Variants in RERE observed in about 807,000 individuals in gnomAD.
The protein encoded by RERE is arginine-glutamic acid dipeptide repeats, also known as arginine-glutamic acid dipeptide repeats protein.
In RERE, 40 loss-of-function variants were observed where a neutral mutation model predicts 146.1. The ratio of observed to expected loss-of-function variants is 0.27; its 90% CI spans 0.21 to 0.36. The LOEUF is 0.36. Among genes scored for constraint, RERE ranks in the 10% least tolerant of loss-of-function variants. RERE has a pLI of 1.00. For missense variants in RERE, 1,933 were observed against 2,138.7 expected (o/e 0.90, Z 1.90); for synonymous variants, 1,003 against 866.0 (o/e 1.16, Z -2.78).
intron 1 of RERE, among the ~76,000 whole-genome samples, chr1:8,788,671 T>G (rs1021775058): frequency 5.3e-5 from 8 of 150,880 alleles, no homozygotes; most frequent in African/African-American, 1.9e-4. Flanking sequence ...CCAGTGTTTT[T>G]TTTTTTTTTT....
At chr1:8,489,713 A>T (rs1440910721) in intron 10 of RERE, among the ~76,000 whole-genome samples, 1 of 152,160 alleles carries the variant, frequency 6.6e-6, no homozygotes, top group Admixed American at 6.5e-5. Context: ...TAAAGACGTA[A>T]AATTATAACA....
chr1:8,439,837 C>T (rs942274048), intron 11 of RERE, among the ~76,000 whole-genome samples: 2 of 152,180 alleles, frequency 1.3e-5, no homozygotes, highest in Non-Finnish European at 2.9e-5. Context: ...CTTTGGGAGG[C>T]CGAGGTGGGT....
chr1:8,709,061 C>T (rs1242466963), intron 1 of RERE, among the ~76,000 whole-genome samples: 1 of 150,850 alleles, frequency 6.6e-6, no homozygotes, highest in Non-Finnish European at 1.5e-5. Context: ...TACAGGTGCC[C>T]GCCACCACAC....
intron 1 of RERE, among the ~76,000 whole-genome samples, chr1:8,669,234 C>G (rs955009611): frequency 6.6e-6 from 1 of 151,902 alleles, no homozygotes; most frequent in South Asian, 2.1e-4. Flanking sequence ...TGCCACCACA[C>G]CCGGCTAATT....
chr1:8,656,651 T>C (rs773418305), intron 1 of RERE, among the ~76,000 whole-genome samples: 1 of 152,194 alleles, frequency 6.6e-6, no homozygotes, highest in Non-Finnish European at 1.5e-5. Flanking sequence ...TAATAAAAAC[T>C]GTCTGAATGC....
chr1:8,467,880 G>A (rs1477012169), intron 10 of RERE, among the ~76,000 whole-genome samples: 1 of 152,096 alleles, frequency 6.6e-6, no homozygotes, highest in African/African-American at 2.4e-5. Context: ...TCTTGACCTC[G>A]TGATCCACCC....
chr1:8,499,892 G>GGCAA (rs1270616015), intron 8 of RERE, among the ~76,000 whole-genome samples: 1 of 151,894 alleles, frequency 6.6e-6, no homozygotes, highest in East Asian at 1.9e-4. Context: ...GGCCGAGGCG[G>GGCAA]GCAGATCACC....
chr1:8,497,173 G>A (rs1011758514), intron 9 of RERE, among the ~76,000 whole-genome samples: 3 of 152,114 alleles, frequency 2.0e-5, no homozygotes, highest in Non-Finnish European at 2.9e-5. Flanking sequence ...AAAATTTGAT[G>A]TGGGGCAAAC....
At position 8,360,401 on chromosome 1, in the gene RERE, G is replaced by T; in HGVS notation, c.3106C>A (p.Gln1036Lys). ...GGGCCTCCAGGGACAAAGGGGTGCTGAGCAAACGGGGGTTGGGGGGCCACC... is the reference window on the plus strand; with the variant it reads ...GGGCCTCCAGGGACAAAGGGGTGCTTAGCAAACGGGGGTTGGGGGGCCACC... ...HQVAPQPPFA[Q>K]HPFVPGGPPP... Residue 1036 changes from glutamine (Q) to lysine (K), a missense_variant, in exon 18 of 23, where the codon CAG becomes AAG. Around this residue, in one of 11 missense-constraint regions of RERE, gnomAD observed 1,255 missense variants for 1,153.8 expected, o/e 1.09. Transcript: ENST00000400908. The T allele has an allele frequency of 8.7e-7, 1 of 1,148,580 alleles. No individual in the cohort carries two copies. 71.1% of individuals were successfully genotyped at this position (1,148,580 alleles called of 1,614,324 possible). A position where few individuals can be genotyped will look rare whatever the true frequency, so the allele number is the denominator to read the frequency against.
intron 10 of RERE, among the ~76,000 whole-genome samples, chr1:8,489,560 G>A (rs1376728987): frequency 6.6e-6 from 1 of 151,602 alleles, no homozygotes; most frequent in East Asian, 1.9e-4. Context: ...AAACAAATGG[G>A]CAATAAAACA....
At chr1:8,746,888 G>C (rs899643566) in intron 1 of RERE, among the ~76,000 whole-genome samples, 1 of 150,828 alleles carries the variant, frequency 6.6e-6, no homozygotes, top group East Asian at 2.0e-4. Context: ...GAGAGAGAGA[G>C]AGAGAGAGAG....
At chr1:8,594,464 A>T (rs1310849907) in intron 4 of RERE, among the ~76,000 whole-genome samples, 1 of 152,214 alleles carries the variant, frequency 6.6e-6, no homozygotes, top group Non-Finnish European at 1.5e-5. Context: ...CTACAGTGAG[A>T]ATGTACTGCA....
intron 1 of RERE, among the ~76,000 whole-genome samples, chr1:8,811,914 ACTC>A (rs1176304564): frequency 2.0e-5 from 3 of 151,884 alleles, no homozygotes; most frequent in Non-Finnish European, 2.9e-5. Flanking sequence ...GGCGCCACAA[ACTC>A]CTCCTGCTGA....
chr1:8,373,882 G>A (rs1265288884), intron 12 of RERE, among the ~76,000 whole-genome samples: 1 of 152,156 alleles, frequency 6.6e-6, no homozygotes, highest in African/African-American at 2.4e-5. Context: ...GGAGGCAACC[G>A]GTTGTCTTCC....
chr1:8,582,450 A>C (rs1646379119), intron 4 of RERE, among the ~76,000 whole-genome samples: 1 of 143,748 alleles, frequency 7.0e-6, no homozygotes, highest in Non-Finnish European at 1.5e-5. Context: ...ACAGGGTCTC[A>C]CTGTGTCACC....
chr1:8,403,836 T>TTTTTTG (rs1445344425), intron 12 of RERE, among the ~76,000 whole-genome samples: 2 of 130,600 alleles, frequency 1.5e-5, no homozygotes, highest in Non-Finnish European at 3.3e-5. Flanking sequence ...TTTTTTTTTT[T>TTTTTTG]TTTTTTTTTT....
chr1:8,446,102 T>C (rs1644314938), intron 11 of RERE, among the ~76,000 whole-genome samples: 2 of 152,198 alleles, frequency 1.3e-5, no homozygotes, highest in Admixed American at 1.3e-4. Context: ...TGTAAAGGAT[T>C]TTATTTCTCT....
intron 10 of RERE, among the ~76,000 whole-genome samples, chr1:8,468,899 AT>A (rs1472085196): frequency 1.3e-5 from 2 of 148,612 alleles, no homozygotes; most frequent in African/African-American, 5.1e-5. Flanking sequence ...CCTGCCTCCA[AT>A]AAAAAAAAAA....
At chr1:8,603,993 G>GT (rs1266928649) in intron 4 of RERE, among the ~76,000 whole-genome samples, 1 of 151,020 alleles carries the variant, frequency 6.6e-6, no homozygotes, top group Non-Finnish European at 1.5e-5. Context: ...CAAAGGACAA[G>GT]ATCAGATCTA....
Sources: gnomAD v4.1 joint callset for allele counts (sites outside exome capture counted in the v4.1 genomes callset) on GRCh38, gnomAD v4.1.1 for gene constraint, gnomAD v4.1.1 regional missense constraint, MANE v1.5 for transcripts, NCBI Gene and HGNC (gene_info 2026-07-23, HGNC 2026-07-21) for gene names.